PCDHGA2: variants seen among roughly 807,000 people sequenced by gnomAD.
PCDHGA2 encodes the protein protocadherin gamma subfamily A, 2.
A neutral mutation model predicts 59.2 loss-of-function variants in PCDHGA2; 40 were observed. That is an observed-to-expected ratio of 0.68 (90% CI 0.52 to 0.88). PCDHGA2 has a LOEUF of 0.88. Among genes scored for constraint, PCDHGA2 ranks in the 40% least tolerant of loss-of-function variants. The pLI, the probability that PCDHGA2 is intolerant of heterozygous loss-of-function variation, is 0.00. For synonymous variants in PCDHGA2, 560 were observed against 526.0 expected, an observed-to-expected ratio of 1.06 and a Z score of -0.89; for missense variants, 1,226 against 1,204.0, an observed-to-expected ratio of 1.02 and a Z score of -0.27.
Position 141,476,380 on chromosome 5 carries a change from G to C in PCDHGA2, c.2425-18427G>C. 1 of 1,614,154 alleles carries C rather than the reference G, an allele frequency of 6.2e-7. No homozygotes were observed. The highest frequency in any genetic ancestry group is 8.5e-7 in the Non-Finnish European group (1 of 1,180,042). On this transcript the variant is annotated intron_variant, in intron 1 of 3. Coordinates refer to ENST00000394576, the MANE Select transcript of PCDHGA2 (RefSeq NM_018915.4). The surrounding 1 kb of genome is among the most constrained non-coding windows in gnomAD (Gnocchi z 7.6). ...ACCGGGAGACCGGAGAGATGTTTGT[G>C]AACGACCGTCTGGATCGAGAGGAGC... is the stretch of plus-strand genomic sequence containing the variant.
chr5:141,478,384 T>G, intron 1 of PCDHGA2: 1 of 1,613,658 alleles, frequency 6.2e-7, no homozygotes, highest in South Asian at 1.1e-5. Context: ...CGCCGCACCT[T>G]TACCATCAGG....
chr5:141,477,469 T>C lies in PCDHGA2; in HGVS notation c.2425-17338T>C, dbSNP rs2099411540. ...TGCGTGTTCAAGTGTCCGACATCAA[T>C]GACAACCCTCCACAATCTTCTCAAT... On this transcript the variant is annotated intron_variant, in intron 1 of 3. Coordinates refer to ENST00000394576, the MANE Select transcript of PCDHGA2 (RefSeq NM_018915.4). The surrounding 1 kb of genome is among the most constrained non-coding windows in gnomAD (Gnocchi z 4.9). 6.2e-7 allele frequency: 1 copy of C among 1,614,028 alleles called. No homozygotes were observed. Among genetic ancestry groups the C allele is most frequent in the South Asian group, 1.1e-5 (1 of 91,078 alleles).
chr5:141,486,909 C>A lies in PCDHGA2; in HGVS notation c.2425-7898C>A, dbSNP rs759702188. On this transcript the variant is annotated intron_variant, in intron 1 of 3. Coordinates refer to ENST00000394576, the MANE Select transcript of PCDHGA2 (RefSeq NM_018915.4). The surrounding 1 kb of genome is among the most constrained non-coding windows in gnomAD (Gnocchi z 5.0). ...CGGCCTGGTTCCTTATGTCCCCAAGCACTGCCTCCATCAGTTGGTGCTGGC... is the reference window on the plus strand; with the variant it reads ...CGGCCTGGTTCCTTATGTCCCCAAGAACTGCCTCCATCAGTTGGTGCTGGC... 3.1e-6 allele frequency: 5 copies of A among 1,614,262 alleles called. No individual in the cohort carries two copies. The East Asian group carries it at 1.1e-4, about 36-fold the overall frequency.
intron 1 of PCDHGA2, chr5:141,342,575 G>T (rs1016807760): frequency 2.6e-5 from 4 of 152,230 alleles, no homozygotes; most frequent in African/African-American, 9.6e-5. Context: ...TGTTGTTTTG[G>T]TTACTATTAC....
At chr5:141,399,588 C>A (rs2093842272) in intron 1 of PCDHGA2, 1 of 1,613,894 alleles carries the variant, frequency 6.2e-7, no homozygotes, top group South Asian at 1.1e-5. Context: ...CCTACTCTAT[C>A]ATGGCCAGCG....
At chr5:141,365,970 CGCTGAGCCTGTTTGT>C (rs753408644) in intron 1 of PCDHGA2, 2 of 1,614,138 alleles carry the variant, frequency 1.2e-6, no homozygotes, top group Admixed American at 1.7e-5. Flanking sequence ...AGCAACGTGT[CGCTGAGCCTGTTTGT>C]GCTGGACCAG....
chr5:141,413,660 T>C (rs747874019), intron 1 of PCDHGA2: 5 of 1,613,752 alleles, frequency 3.1e-6, no homozygotes, highest in Non-Finnish European at 4.2e-6. Flanking sequence ...CCGGAAGCTA[T>C]TGATCCGGAT....
intron 1 of PCDHGA2, chr5:141,367,611 T>G (rs868477052): frequency 6.6e-6 from 1 of 152,038 alleles, no homozygotes; most frequent in Non-Finnish European, 1.5e-5. Flanking sequence ...AATGATAACA[T>G]GTAGCATTCT....
intron 1 of PCDHGA2, chr5:141,352,027 G>T (rs764316289): frequency 1.2e-6 from 2 of 1,609,130 alleles, no homozygotes; most frequent in Non-Finnish European, 8.5e-7. Context: ...AGGTGGTGGC[G>T]GTGGACGCAG....
chr5:141,404,142 C>CAGA (rs781433913), intron 1 of PCDHGA2: 9 of 1,612,668 alleles, frequency 5.6e-6, no homozygotes, highest in Non-Finnish European at 6.8e-6. Flanking sequence ...TTAGAAAATT[C>CAGA]AGAAGAAGAT....
intron 1 of PCDHGA2, chr5:141,422,699 C>T: frequency 6.2e-7 from 1 of 1,603,420 alleles, no homozygotes; most frequent in Middle Eastern, 1.7e-4. Flanking sequence ...GTCACTTACT[C>T]TCTGACGGAT....
Position 141,372,663 on chromosome 5 carries a change from G to A in PCDHGA2, c.2424+31268G>A, listed in dbSNP as rs971560361. 2.5e-6 allele frequency: 4 copies of A among 1,613,876 alleles called. No homozygotes were observed. In the African/African-American group the frequency reaches 5.3e-5, roughly 22 times the overall value. On this transcript the variant is annotated intron_variant, in intron 1 of 3. Coordinates refer to ENST00000394576, the MANE Select transcript of PCDHGA2 (RefSeq NM_018915.4). ...GCCTTATTCCTACAATCCGTGTGCT[G>A]CCTCACATTCCTCAAACACCGAGTT...
chr5:141,366,557 G>T lies in PCDHGA2; in HGVS notation c.2424+25162G>T, dbSNP rs376762797. On this transcript the variant is annotated intron_variant, in intron 1 of 3. Transcript: ENST00000394576. Reference sequence around the variant, plus strand: ...TGTGCCCGCCTCGCACTTTGTGGGCGTGGATGGGGTTCGGGCTTTCCTGCA... The same window carrying T: ...TGTGCCCGCCTCGCACTTTGTGGGCTTGGATGGGGTTCGGGCTTTCCTGCA... The T allele has an allele frequency of 3.5e-5, 56 of 1,614,268 alleles. No homozygotes were observed. In the African/African-American group the frequency reaches 4.3e-4, roughly 12 times the overall value.
At position 141,432,881 on chromosome 5, in the gene PCDHGA2, G is replaced by A; in HGVS notation, c.2425-61926G>A. On this transcript the variant is annotated intron_variant, in intron 1 of 3. Coordinates refer to ENST00000394576, the MANE Select transcript of PCDHGA2 (RefSeq NM_018915.4). This position sits in a 1 kb window ranked among gnomAD's most constrained non-coding sequence, Gnocchi z 6.0. ...GGTCTCCTGCGTCTTCCTGGCCTTC[G>A]TCATCTTGCTGCTGGCGCTCAGGCT... 6.2e-7 allele frequency: 1 copy of A among 1,614,170 alleles called. No homozygotes were observed. The highest frequency in any genetic ancestry group is 1.1e-5 in the South Asian group (1 of 91,088).
intron 1 of PCDHGA2, chr5:141,478,111 A>G (rs2099430294): frequency 1.2e-6 from 2 of 1,613,982 alleles, no homozygotes; most frequent in Admixed American, 1.7e-5. Context: ...TCACTGTGTC[A>G]GTAACCGAGG....
intron 1 of PCDHGA2, chr5:141,400,367 C>A (rs372561902): frequency 6.8e-5 from 110 of 1,613,946 alleles, no homozygotes; most frequent in Non-Finnish European, 8.8e-5. Flanking sequence ...TTGCCTTATT[C>A]CTACAACCTA....
intron 1 of PCDHGA2, 88 bp from the exon 2 acceptor site, chr5:141,494,719 C>T: frequency 6.2e-7 from 1 of 1,605,960 alleles, no homozygotes; most frequent in Non-Finnish European, 8.5e-7. Flanking sequence ...CCACTCCCCT[C>T]CTTCTCTCCC....
Position 141,485,064 on chromosome 5 carries a change from G to C in PCDHGA2, c.2425-9743G>C, listed in dbSNP as rs1205637757. On this transcript the variant is annotated intron_variant, in intron 1 of 3. Transcript: ENST00000394576. The surrounding 1 kb of genome is among the most constrained non-coding windows in gnomAD (Gnocchi z 5.7). ...TTGCGGCGCCGGCCGAACCGCGCCA[G>C]AGCTGGCGCGGGGAAAGGGAGATAG... The C allele has an allele frequency of 4.9e-5, 43 of 882,320 alleles. No individual in the cohort carries two copies. The highest frequency in any genetic ancestry group is 7.4e-5 in the Non-Finnish European group (41 of 557,230). 54.7% of individuals were successfully genotyped at this position (882,320 alleles called of 1,614,324 possible).
At chr5:141,428,293 C>G (rs1278634119) in intron 1 of PCDHGA2, 1 of 716,436 alleles carries the variant, frequency 1.4e-6, no homozygotes, top group South Asian at 1.6e-5. Flanking sequence ...AGCAAAGCTG[C>G]AGATTTACCT....
Sources: allele counts gnomAD v4.1 joint callset, GRCh38; gene constraint gnomAD v4.1.1; non-coding constraint Gnocchi (gnomAD v3.1); transcripts MANE v1.5; gene names NCBI Gene and HGNC (gene_info 2026-07-23, HGNC 2026-07-21).